Variants in NRG1 observed in about 807,000 individuals in gnomAD.
The protein encoded by NRG1 is pro-neuregulin-1, membrane-bound isoform.
A neutral mutation model predicts 63.8 loss-of-function variants in NRG1; 18 were observed. The observed-to-expected ratio is 0.28, with a 90% CI of 0.19 to 0.42. The LOEUF is 0.42. Ranked by LOEUF, NRG1 falls within the 10% of genes least tolerant of loss-of-function variation. The pLI, the probability that NRG1 is intolerant of heterozygous loss-of-function variation, is 1.00. For missense variants in NRG1, 762 were observed against 814.7 expected (o/e 0.94, Z 0.79); for synonymous variants, 302 against 301.3 (o/e 1.00, Z -0.02).
At chr8:32,230,179 G>A (rs772523765) in intron 1 of NRG1, among the ~76,000 whole-genome samples, 1 of 152,168 alleles carries the variant, frequency 6.6e-6, no homozygotes, top group Non-Finnish European at 1.5e-5. Context: ...CCTATACTAA[G>A]AGCACGAACT....
intron 1 of NRG1, among the ~76,000 whole-genome samples, chr8:31,912,219 T>C (rs1265730226): frequency 6.6e-6 from 1 of 152,204 alleles, no homozygotes; most frequent in Non-Finnish European, 1.5e-5. Context: ...TTGAATAAAA[T>C]GCGCTGATGT....
chr8:32,555,848 G>A (rs1459331033), intron 1 of NRG1, among the ~76,000 whole-genome samples: 1 of 152,204 alleles, frequency 6.6e-6, no homozygotes, highest in Non-Finnish European at 1.5e-5. Flanking sequence ...CCCTGTACTT[G>A]TTATCTTTGA....
At position 32,486,627 on chromosome 8, in the gene NRG1, AT is replaced by A. The variant is rs1554557143; in HGVS notation, c.38-109186del. ...CCTCAAGAGGCTACAGAATTGCTGG[AT>A]TTTTTTTTTTTTTTGGAATGGAGTC... On this transcript the variant is annotated intron_variant, in intron 1 of 10. Transcript: ENST00000519301. Among the ~76,000 whole-genome samples, 580 of 145,486 alleles carry A rather than the reference AT, an allele frequency of 4.0e-3. 6 individuals carry two copies. The highest frequency in any genetic ancestry group is 9.8e-3 in the African/African-American group (382 of 38,938).
At chr8:32,135,415 G>T (rs1387065353) in intron 1 of NRG1, among the ~76,000 whole-genome samples, 1 of 152,116 alleles carries the variant, frequency 6.6e-6, no homozygotes, top group Non-Finnish European at 1.5e-5. Context: ...TTGGAGGGTA[G>T]TGGTGGTAGT....
intron 1 of NRG1, among the ~76,000 whole-genome samples, chr8:32,496,729 A>G (rs1353382263): frequency 6.6e-6 from 1 of 152,340 alleles, no homozygotes; most frequent in East Asian, 1.9e-4. Flanking sequence ...TATATATATT[A>G]GGTCCCAATG....
chr8:32,347,401 G>T (rs1805053080), intron 1 of NRG1, among the ~76,000 whole-genome samples: 1 of 152,110 alleles, frequency 6.6e-6, no homozygotes, highest in Non-Finnish European at 1.5e-5. Flanking sequence ...ACCCTGCAGG[G>T]TGTTCAATAT....
intron 1 of NRG1, among the ~76,000 whole-genome samples, chr8:32,400,062 T>G (rs1220977757): frequency 6.6e-6 from 1 of 152,210 alleles, no homozygotes; most frequent in Non-Finnish European, 1.5e-5. Flanking sequence ...CAATACCAGT[T>G]TCTTGGATAT....
intron 1 of NRG1, among the ~76,000 whole-genome samples, chr8:32,234,202 AC>A (rs1320443095): frequency 2.0e-5 from 3 of 152,136 alleles, no homozygotes; most frequent in African/African-American, 7.2e-5. Flanking sequence ...CTAACTTCCT[AC>A]CTTTATGTAC....
chr8:32,451,545 C>T (rs1820941488), intron 1 of NRG1, among the ~76,000 whole-genome samples: 1 of 152,168 alleles, frequency 6.6e-6, no homozygotes, highest in African/African-American at 2.4e-5. Context: ...ATTATCCCCG[C>T]CACACAAATT....
At chr8:32,218,374 C>G (rs1200011804) in intron 1 of NRG1, among the ~76,000 whole-genome samples, 1 of 152,176 alleles carries the variant, frequency 6.6e-6, no homozygotes, top group Non-Finnish European at 1.5e-5. Context: ...TTTTCTTTTT[C>G]TGTTCATAAA....
chr8:31,750,398 G>A (rs980012512), intron 1 of NRG1, among the ~76,000 whole-genome samples: 1 of 151,818 alleles, frequency 6.6e-6, no homozygotes, highest in Non-Finnish European at 1.5e-5. Flanking sequence ...ATACACAAAT[G>A]CAAAACTGAA....
chr8:32,663,852 T>G (rs1803479585), intron 5 of NRG1, among the ~76,000 whole-genome samples: 1 of 152,180 alleles, frequency 6.6e-6, no homozygotes, highest in Non-Finnish European at 1.5e-5. Context: ...ATCCCTGTCC[T>G]CCTCTGCTTC....
intron 1 of NRG1, among the ~76,000 whole-genome samples, chr8:32,465,789 A>G (rs1822980645): frequency 6.6e-6 from 1 of 152,256 alleles, no homozygotes; most frequent in African/African-American, 2.4e-5. Flanking sequence ...GTGATATAAA[A>G]TACAGCATAT....
intron 6 of NRG1, among the ~76,000 whole-genome samples, chr8:32,738,544 A>C (rs1267857924): frequency 1.3e-5 from 2 of 152,138 alleles, no homozygotes; most frequent in African/African-American, 2.4e-5. Context: ...AACTCATGCC[A>C]AAGCTTATTT....
intron 1 of NRG1, among the ~76,000 whole-genome samples, chr8:31,903,649 G>T (rs1306375659): frequency 6.6e-6 from 1 of 152,046 alleles, no homozygotes; most frequent in African/African-American, 2.4e-5. Context: ...ACTGGCTCCA[G>T]ATATTCACTT....
exon 12 of NRG1, chr8:32,767,796 G>A (rs1831544842): frequency 6.6e-6 from 1 of 151,958 alleles, no homozygotes; most frequent in African/African-American, 2.4e-5. Flanking sequence ...GAATGTATAT[G>A]TAACTGAAAC....
Position 31,794,226 on chromosome 8 carries a change from G to A in NRG1, c.37+154795G>A, listed in dbSNP as rs1041916394. On this transcript the variant is annotated intron_variant, in intron 1 of 10. Coordinates refer to the NRG1 transcript ENST00000519301. Reference sequence around the variant, plus strand: ...TTTGTTATGTTTGCTGACAGAAACAGCAGCTCCTCCTTCTTTCTCTCTACA... The same window carrying A: ...TTTGTTATGTTTGCTGACAGAAACAACAGCTCCTCCTTCTTTCTCTCTACA... Among the ~76,000 whole-genome samples the A allele has an allele frequency of 8.5e-5, 13 of 152,208 alleles. No individual in the cohort carries two copies. The South Asian group carries it at 2.5e-3, about 29-fold the overall frequency.
At chr8:32,389,191 G>T (rs1811405892) in intron 1 of NRG1, among the ~76,000 whole-genome samples, 2 of 152,262 alleles carry the variant, frequency 1.3e-5, no homozygotes, top group South Asian at 4.1e-4. Context: ...GAGCTGCGAA[G>T]AAACGTAAAC....
At chr8:32,647,254 C>T in intron 5 of NRG1, 1 of 985,326 alleles carries the variant, frequency 1.0e-6, no homozygotes, top group Non-Finnish European at 1.2e-6. Flanking sequence ...CTGCTGCCGC[C>T]GCCGCCACCG....
Sources: allele counts gnomAD v4.1 joint callset (sites outside exome capture counted in the v4.1 genomes callset), GRCh38; gene constraint gnomAD v4.1.1; transcripts MANE v1.5; gene names NCBI Gene and HGNC (gene_info 2026-07-23, HGNC 2026-07-21).